The following CCDC187 variants were observed in gnomAD, a reference collection of about 807,000 sequenced individuals.
The protein encoded by CCDC187 is coiled-coil domain containing 187.
In CCDC187, 32 loss-of-function variants were observed where a neutral mutation model predicts 38.0. That is an observed-to-expected ratio of 0.84 (90% CI 0.64 to 1.13). The LOEUF is 1.13. Among genes scored for constraint, CCDC187 ranks in the 50% most tolerant of loss-of-function variants. The probability of loss-of-function intolerance (pLI) is 0.00; values close to 1 mark genes in which losing one functional copy is unlikely to be tolerated. For missense variants in CCDC187, 707 were observed against 786.8 expected (o/e 0.90, Z 1.21); for synonymous variants, 333 against 347.9 (o/e 0.96, Z 0.48).
At chr9:136,305,353 C>T (rs1454634278), upstream of CCDC187, among the ~76,000 whole-genome samples, 11 of 152,182 alleles carry the variant, frequency 7.2e-5, no homozygotes, top group African/African-American at 1.7e-4. Flanking sequence ...CCCCCACCCT[C>T]GGAGCCTGAA....
intron 17 of CCDC187, 38 bp from the exon 18 acceptor site, chr9:136,263,836 G>A (rs1270654049): frequency 1.0e-5 from 10 of 984,510 alleles, no homozygotes; most frequent in Admixed American, 6.1e-5. Flanking sequence ...GCATAACCCC[G>A]GAGCCAGCAG....
At chr9:136,283,359 C>T (rs1831091980) in intron 9 of CCDC187, among the ~76,000 whole-genome samples, 1 of 152,234 alleles carries the variant, frequency 6.6e-6, no homozygotes, top group Non-Finnish European at 1.5e-5. Context: ...GCAGGTGGAA[C>T]CAGCAGAGGC....
At chr9:136,271,248 G>A (rs1482683995) in intron 14 of CCDC187, among the ~76,000 whole-genome samples, 7 of 152,320 alleles carry the variant, frequency 4.6e-5, no homozygotes, top group East Asian at 3.9e-4. Flanking sequence ...TGGTCTGGGC[G>A]TGGTGGCTCC....
At position 136,302,840 on chromosome 9, in the gene CCDC187, T is replaced by G; in HGVS notation, c.597A>C (p.Lys199Asn). 2.5e-6 allele frequency: 1 copy of G among 398,744 alleles called. No homozygotes were observed. The highest frequency in any genetic ancestry group is 4.4e-6 in the Non-Finnish European group (1 of 226,158). 24.7% of individuals were successfully genotyped at this position (398,744 alleles called of 1,614,324 possible). The change falls in exon 2 of 26, where the codon AAA becomes AAC. Residue 199 changes from lysine (K) to asparagine (N), a missense_variant. Coordinates refer to ENST00000638797, the MANE Select transcript of CCDC187 (RefSeq NM_001378188.1). Reference sequence around the variant, plus strand: ...AGCATTCAGGGGCTGGAGGGGGATTTTTTGCCTCTTGGCCTTTCCTCCTAA... The same window carrying G: ...AGCATTCAGGGGCTGGAGGGGGATTGTTTGCCTCTTGGCCTTTCCTCCTAA... ...LMLRRKGQEA[K>N]NPPPAPECSG...
At chr9:136,288,728 G>T (rs1831240800) in intron 7 of CCDC187, among the ~76,000 whole-genome samples, 1 of 152,246 alleles carries the variant, frequency 6.6e-6, no homozygotes, top group African/African-American at 2.4e-5. Flanking sequence ...GCCCCAGGGG[G>T]AGGGGCCTCC....
At chr9:136,306,705 G>A (rs909821258), upstream of CCDC187, 7,545 of 152,808 alleles carry the variant, frequency 0.049, 484 homozygotes, top group African/African-American at 0.13. Context: ...AAGGCCAGGA[G>A]AGAGCAGCAG....
intron 3 of CCDC187, among the ~76,000 whole-genome samples, chr9:136,299,857 T>G (rs948836391): frequency 6.6e-6 from 1 of 151,990 alleles, no homozygotes; most frequent in African/African-American, 2.4e-5. Context: ...GGCAGGGACC[T>G]GGAGGGCCCC....
rs577023437 is a variant in CCDC187, at chr9:136,266,006, C to A, written c.3685G>T (p.Ala1229Ser). The A allele has an allele frequency of 3.0e-6, 3 of 985,412 alleles. No individual in the cohort carries two copies. Among genetic ancestry groups the A allele is most frequent in the Admixed American group, 6.1e-5 (1 of 16,264 alleles). 61.0% of individuals were successfully genotyped at this position (985,412 alleles called of 1,614,324 possible). Residue 1229 changes from alanine (A) to serine (S), a missense_variant, in exon 17 of 26, where the codon GCG becomes TCG. Physicochemically the swap from Ala to Ser is moderately conservative, Grantham distance 99. Transcript: ENST00000638797. Reference sequence around the variant, plus strand: ...GCTTGCTGCTGCTTCTCAACCAGCGCGGCCAGCACAGCTCTGTCCCTCTTG... The same window carrying A: ...GCTTGCTGCTGCTTCTCAACCAGCGAGGCCAGCACAGCTCTGTCCCTCTTG... ...DSKRDRAVLAALVEKQQQALS... is the reference protein window; with the variant it reads ...DSKRDRAVLASLVEKQQQALS...
chr9:136,293,701 C>G (rs1831442730), intron 4 of CCDC187, among the ~76,000 whole-genome samples: 1 of 152,090 alleles, frequency 6.6e-6, no homozygotes, highest in Non-Finnish European at 1.5e-5. Flanking sequence ...CACACATGCT[C>G]AGTCACATGC....
At position 136,251,101 on chromosome 9, in the gene CCDC187, G is replaced by A. The variant is rs1225722313; in HGVS notation, c.*2493C>T. ...GGAGGAGGCCTGAGGCCCTGGACAG[G>A]AGAAGCCACATCCTGGAAGGATCAG... On this transcript the variant is annotated 3_prime_UTR_variant, in exon 26 of 26. Transcript: ENST00000638797. 2.2e-6 allele frequency: 1 copy of A among 447,770 alleles called. No individual in the cohort carries two copies. Among genetic ancestry groups the A allele is most frequent in the Non-Finnish European group, 4.5e-6 (1 of 219,946 alleles). The allele number at this position is 447,770 out of a possible 1,614,324, so 27.7% of individuals were successfully genotyped here.
At chr9:136,280,947 T>C (rs1200559296) in intron 10 of CCDC187, 1 of 154,530 alleles carries the variant, frequency 6.5e-6, no homozygotes, top group African/African-American at 2.4e-5. Context: ...TTTACTCCAA[T>C]GCTCAAAACC....
chr9:136,301,939 C>A (rs1214381252), intron 2 of CCDC187, among the ~76,000 whole-genome samples: 3 of 151,958 alleles, frequency 2.0e-5, no homozygotes, highest in African/African-American at 7.3e-5. Flanking sequence ...AGGCTGGGCA[C>A]CGTGGCTCAC....
Position 136,257,865 on chromosome 9 carries a change from G to A in CCDC187, c.4367-1024C>T, listed in dbSNP as rs782214173. On this transcript the variant is annotated intron_variant, in intron 22 of 25. Transcript: ENST00000638797. This position sits in a 1 kb window ranked among gnomAD's most constrained non-coding sequence, Gnocchi z 4.5. ...AAGCGCAGTCTTTTGATCAGAGAGC[G>A]GCCGGCACCGCAGTCAGGCAGACTC... is the stretch of plus-strand genomic sequence containing the variant. 2.0e-5 allele frequency among the ~76,000 whole-genome samples: 3 copies of A among 152,176 alleles called. No individual in the cohort carries two copies. Among genetic ancestry groups the A allele is most frequent in the African/African-American group, 7.2e-5 (3 of 41,442 alleles).
chr9:136,290,197 C>T (rs2131302550), intron 6 of CCDC187, 144 bp from the exon 7 acceptor site: 2 of 397,810 alleles, frequency 5.0e-6, no homozygotes, highest in East Asian at 7.1e-5. Context: ...GGTCCCACTT[C>T]AGGGGCTGTG....
In CCDC187 at chr9:136,250,524, C is replaced by T. The variant is rs776738779; in HGVS notation, c.*3070G>A. On this transcript the variant is annotated 3_prime_UTR_variant, in exon 26 of 26. Coordinates refer to ENST00000638797, the MANE Select transcript of CCDC187 (RefSeq NM_001378188.1). ...ATTCCTCTCACACGGCCTCATAAAT[C>T]CAAAAGGGTCAGCAATAAATGGAAA... is the stretch of plus-strand genomic sequence containing the variant. The T allele has an allele frequency of 3.7e-5, 13 of 346,830 alleles. 1 individual carries two copies. The highest frequency in any genetic ancestry group is 3.2e-4 in the Admixed American group (8 of 24,702). The allele number at this position is 346,830 out of a possible 1,614,324, so 21.5% of individuals were successfully genotyped here. A position where few individuals can be genotyped will look rare whatever the true frequency, so the allele number is the denominator to read the frequency against.
At chr9:136,273,158 A>G (rs1387369276) in intron 14 of CCDC187, among the ~76,000 whole-genome samples, 1 of 152,244 alleles carries the variant, frequency 6.6e-6, no homozygotes, top group Non-Finnish European at 1.5e-5. Context: ...TGAGACTCAA[A>G]CCTAACCACA....
rs990089126 is a variant in CCDC187, at chr9:136,303,089, G to A, written c.348C>T (p.Gly116=). 2.5e-6 allele frequency: 1 copy of A among 398,628 alleles called. No homozygotes were observed. The highest frequency in any genetic ancestry group is 4.4e-6 in the Non-Finnish European group (1 of 226,048). 24.7% of individuals were successfully genotyped at this position (398,628 alleles called of 1,614,324 possible). ...ARDGDSSVSS[G]RLSCSSGGHD... ...GGCCCCCCGAAGAGCACGAGAGGCG[G>A]CCCGATGACACCGAGCTGTCCCCAT... The change falls in exon 2 of 26, where the codon GGC becomes GGT. Residue 116 remains glycine (G), a synonymous_variant. Transcript: ENST00000638797.
chr9:136,281,213 G>A (rs973471675), intron 10 of CCDC187: 7 of 392,452 alleles, frequency 1.8e-5, no homozygotes, highest in Non-Finnish European at 3.1e-5. Flanking sequence ...ACACTCAGTA[G>A]CAGAAGAAAA....
intron 3 of CCDC187, among the ~76,000 whole-genome samples, chr9:136,298,401 G>A (rs1408771427): frequency 6.6e-6 from 1 of 152,148 alleles, no homozygotes; most frequent in Non-Finnish European, 1.5e-5. Flanking sequence ...GGCGGAGTTT[G>A]TTCAAAGTCC....
Sources: allele counts gnomAD v4.1 joint callset (sites outside exome capture counted in the v4.1 genomes callset), GRCh38; gene constraint gnomAD v4.1.1; non-coding constraint Gnocchi (gnomAD v3.1); transcripts MANE v1.5; gene names NCBI Gene and HGNC (gene_info 2026-07-23, HGNC 2026-07-21).